ATP6V0D2: variants seen among roughly 807,000 people sequenced by gnomAD.
The protein encoded by ATP6V0D2 is V-type proton ATPase subunit d 2.
In ATP6V0D2, 40 loss-of-function variants were observed where a neutral mutation model predicts 40.0. The observed-to-expected ratio is 1.00, with a 90% CI of 0.78 to 1.30. The LOEUF is 1.30. Among genes scored for constraint, ATP6V0D2 ranks in the 50% most tolerant of loss-of-function variants. ATP6V0D2 has a pLI of 0.00. For synonymous variants in ATP6V0D2, 179 were observed against 156.3 expected (o/e 1.15, Z -1.08); for missense variants, 470 against 423.1 (o/e 1.11, Z -0.97).
chr8:86,123,306 A>G (rs1818697115), intron 2 of ATP6V0D2, among the ~76,000 whole-genome samples: 1 of 152,224 alleles, frequency 6.6e-6, no homozygotes. Flanking sequence ...AAAAAGCCTA[A>G]GATGTGATAT....
intron 2 of ATP6V0D2, among the ~76,000 whole-genome samples, chr8:86,120,260 G>C (rs980759683): frequency 6.6e-6 from 1 of 152,060 alleles, no homozygotes. Context: ...AATTAGCCCA[G>C]TGTGGTGGTA....
chr8:86,138,387 A>G (rs1818925745), intron 2 of ATP6V0D2, among the ~76,000 whole-genome samples: 1 of 152,156 alleles, frequency 6.6e-6, no homozygotes, highest in Admixed American at 6.5e-5. Flanking sequence ...TTTGTTGTAA[A>G]TGATTCTTTG....
At chr8:86,112,182 G>T (rs1450350789) in intron 1 of ATP6V0D2, among the ~76,000 whole-genome samples, 1 of 152,166 alleles carries the variant, frequency 6.6e-6, no homozygotes, top group African/African-American at 2.4e-5. Context: ...TGCCTTCTGG[G>T]TTAACATGCT....
intron 1 of ATP6V0D2, among the ~76,000 whole-genome samples, chr8:86,112,150 G>C (rs1035449328): frequency 6.6e-6 from 1 of 152,166 alleles, no homozygotes; most frequent in African/African-American, 2.4e-5. Context: ...ACAGGTAAAA[G>C]ATATAACTAA....
chr8:86,111,340 C>T (rs1818526450), intron 1 of ATP6V0D2, among the ~76,000 whole-genome samples: 1 of 152,092 alleles, frequency 6.6e-6, no homozygotes, highest in Admixed American at 6.6e-5. Flanking sequence ...GCATGAGCCA[C>T]CACTGCTGGC....
At chr8:86,149,066 A>AC (rs1819108581) in intron 5 of ATP6V0D2, among the ~76,000 whole-genome samples, 1 of 149,762 alleles carries the variant, frequency 6.7e-6, no homozygotes, top group Non-Finnish European at 1.5e-5. Flanking sequence ...AAAAAAAAAA[A>AC]AAAAAAAAAC....
chr8:86,123,939 A>G (rs1161644724), intron 2 of ATP6V0D2, among the ~76,000 whole-genome samples: 1 of 152,182 alleles, frequency 6.6e-6, no homozygotes, highest in Non-Finnish European at 1.5e-5. Flanking sequence ...CCATCTGGTC[A>G]TGAACATAGA....
intron 1 of ATP6V0D2, among the ~76,000 whole-genome samples, chr8:86,103,140 G>A (rs553594770): frequency 3.6e-4 from 54 of 151,478 alleles, no homozygotes; most frequent in Non-Finnish European, 6.5e-4. Flanking sequence ...TTTTTGAGAC[G>A]GAGTTTAGCT....
At chr8:86,145,225 A>T in intron 5 of ATP6V0D2, among the ~76,000 whole-genome samples, 1 of 39,702 alleles carries the variant, frequency 2.5e-5, no homozygotes, top group African/African-American at 1.2e-4. Flanking sequence ...GAAAGAAAGA[A>T]AGAAAGAAAG....
chr8:86,123,103 C>T (rs922747092), intron 2 of ATP6V0D2, among the ~76,000 whole-genome samples: 5 of 152,164 alleles, frequency 3.3e-5, no homozygotes, highest in African/African-American at 4.8e-5. Flanking sequence ...AACACTTCCG[C>T]TACCTCTGAC....
At chr8:86,126,558 A>G (rs1344841519) in intron 2 of ATP6V0D2, among the ~76,000 whole-genome samples, 1 of 152,032 alleles carries the variant, frequency 6.6e-6, no homozygotes, top group Non-Finnish European at 1.5e-5. Context: ...CACACTAAAT[A>G]TGTATTAAAT....
At chr8:86,102,711 T>C (rs1218818854) in intron 1 of ATP6V0D2, among the ~76,000 whole-genome samples, 1 of 152,222 alleles carries the variant, frequency 6.6e-6, no homozygotes, top group East Asian at 1.9e-4. Flanking sequence ...TAGTAAGAAA[T>C]ACCCATGTAT....
intron 2 of ATP6V0D2, among the ~76,000 whole-genome samples, chr8:86,132,920 T>G (rs1818846180): frequency 6.6e-6 from 1 of 152,186 alleles, no homozygotes; most frequent in Non-Finnish European, 1.5e-5. Context: ...TCCACAGTAC[T>G]TGTACCAATT....
chr8:86,126,108 C>A (rs10101407), intron 2 of ATP6V0D2, among the ~76,000 whole-genome samples: 1 of 148,302 alleles, frequency 6.7e-6, no homozygotes, highest in East Asian at 2.0e-4. Context: ...CAGCTAATTT[C>A]TGTATTTTTA....
Position 86,109,334 on chromosome 8 carries a change from T to C in ATP6V0D2, c.131-4375T>C, listed in dbSNP as rs550892248. ...TTCAGTGAACTCATTTTGAAAAGTA[T>C]AAAACTATGAGTACTGTTGTTATTA... On this transcript the variant is annotated intron_variant, in intron 1 of 7. Coordinates refer to ENST00000285393, the MANE Select transcript of ATP6V0D2 (RefSeq NM_152565.1). Among the ~76,000 whole-genome samples the C allele has an allele frequency of 7.9e-4, 121 of 152,326 alleles. 2 individuals carry two copies. Among genetic ancestry groups the C allele is most frequent in the Admixed American group, 1.4e-3 (22 of 15,296 alleles).
chr8:86,141,666 T>C, intron 4 of ATP6V0D2, 137 bp downstream of exon 4: 1 of 608,924 alleles, frequency 1.6e-6, no homozygotes, highest in African/African-American at 1.9e-5. Flanking sequence ...ATAGCTTTTA[T>C]AGTTCTGGCC....
chr8:86,140,939 C>G (rs1222480245), intron 3 of ATP6V0D2, among the ~76,000 whole-genome samples: 1 of 152,154 alleles, frequency 6.6e-6, no homozygotes, highest in African/African-American at 2.4e-5. Context: ...TGCAACTAGA[C>G]AGTCCCATCT....
At position 86,140,469 on chromosome 8, in the gene ATP6V0D2, AT is replaced by A. The variant is rs537834526; in HGVS notation, c.481+836del. On this transcript the variant is annotated intron_variant, in intron 3 of 7. Coordinates refer to ENST00000285393, the MANE Select transcript of ATP6V0D2 (RefSeq NM_152565.1). The stretch of plus-strand genomic sequence containing the variant: ...GGTCCCAGCAAGGTGACTAGGAGCA[AT>A]TCAATTCACCCCAGTTTCCTCATTT... 2.9e-4 allele frequency among the ~76,000 whole-genome samples: 44 copies of A among 152,322 alleles called. 1 individual carries two copies. In the South Asian group the frequency reaches 6.4e-3, roughly 22 times the overall value.
chr8:86,130,384 A>G (rs1240457863), intron 2 of ATP6V0D2, among the ~76,000 whole-genome samples: 1 of 152,216 alleles, frequency 6.6e-6, no homozygotes, highest in Admixed American at 6.5e-5. Context: ...ATGAGAAGAA[A>G]CTGGGTATGG....
Sources: allele counts gnomAD v4.1 joint callset (sites outside exome capture counted in the v4.1 genomes callset), GRCh38; gene constraint gnomAD v4.1.1; transcripts MANE v1.5; gene names NCBI Gene and HGNC (gene_info 2026-07-23, HGNC 2026-07-21).